GPM6A: variants seen among roughly 807,000 people sequenced by gnomAD.
GPM6A encodes the protein glycoprotein M6A.
A neutral mutation model predicts 32.1 loss-of-function variants in GPM6A; 7 were observed. The ratio of observed to expected loss-of-function variants is 0.22; its 90% CI spans 0.12 to 0.41. The LOEUF is 0.41. GPM6A is among the 10% of genes least tolerant of loss of function. GPM6A has a pLI of 1.00. For missense variants in GPM6A, 235 were observed against 347.2 expected, an observed-to-expected ratio of 0.68 and a Z score of 2.57; for synonymous variants, 130 against 123.4, an observed-to-expected ratio of 1.05 and a Z score of -0.35.
At chr4:175,734,153 TATATATA>T (rs1560903469) in intron 1 of GPM6A, among the ~76,000 whole-genome samples, 1 of 147,322 alleles carries the variant, frequency 6.8e-6, no homozygotes, top group Non-Finnish European at 1.5e-5. Context: ...TATATATATA[TATATATA>T]TTTTTTAATT....
intron 1 of GPM6A, among the ~76,000 whole-genome samples, chr4:175,890,366 A>G (rs1737602346): frequency 6.6e-6 from 1 of 152,286 alleles, no homozygotes; most frequent in South Asian, 2.1e-4. Flanking sequence ...TCTTGACAGC[A>G]CTACCTATAA....
chr4:175,733,057 G>A (rs1236734770), intron 1 of GPM6A, among the ~76,000 whole-genome samples: 1 of 152,066 alleles, frequency 6.6e-6, no homozygotes, highest in African/African-American at 2.4e-5. Flanking sequence ...AAATGGACAT[G>A]TTACTTTCCT....
chr4:175,795,239 T>A (rs1428467455), intron 1 of GPM6A, among the ~76,000 whole-genome samples: 1 of 152,142 alleles, frequency 6.6e-6, no homozygotes, highest in Non-Finnish European at 1.5e-5. Context: ...GATTCAACAG[T>A]CAGTTGATAA....
chr4:175,782,307 C>T (rs1733642067), intron 1 of GPM6A, among the ~76,000 whole-genome samples: 1 of 151,968 alleles, frequency 6.6e-6, no homozygotes, highest in Admixed American at 6.6e-5. Context: ...GGCTATTTTT[C>T]ATTATGGAAT....
chr4:175,817,056 C>T (rs1244444012), upstream of GPM6A, among the ~76,000 whole-genome samples: 1 of 152,018 alleles, frequency 6.6e-6, no homozygotes, highest in East Asian at 1.9e-4. Context: ...GATGGGGTTT[C>T]ACCGTGGTAG....
At position 175,700,982 on chromosome 4, in the gene GPM6A, T is replaced by A. The variant is rs569343595; in HGVS notation, c.230+593A>T. Among the ~76,000 whole-genome samples, 10 of 152,298 alleles carry A rather than the reference T, an allele frequency of 6.6e-5. No homozygotes were observed. In the South Asian group the frequency reaches 8.3e-4, roughly 13 times the overall value. ...TTCTAAAAAAGTTATTTTAACATAA[T>A]CATAGTGATCTTAGGAGTTTTACAT... On this transcript the variant is annotated intron_variant, in intron 2 of 6. Coordinates refer to ENST00000393658, the MANE Select transcript of GPM6A (RefSeq NM_201591.3).
chr4:175,989,068 T>C (rs1455874621), intron 1 of GPM6A, among the ~76,000 whole-genome samples: 1 of 152,124 alleles, frequency 6.6e-6, no homozygotes, highest in Admixed American at 6.6e-5. Context: ...AGTAGAGCAA[T>C]ACTTCTTATA....
At chr4:175,841,827 T>G (rs1735945218) in intron 1 of GPM6A, among the ~76,000 whole-genome samples, 1 of 152,304 alleles carries the variant, frequency 6.6e-6, no homozygotes, top group East Asian at 1.9e-4. Context: ...CTACTGATTC[T>G]GAAAAACGGA....
chr4:175,690,619 A>C (rs1207637473), intron 2 of GPM6A, among the ~76,000 whole-genome samples: 1 of 152,172 alleles, frequency 6.6e-6, no homozygotes, highest in Non-Finnish European at 1.5e-5. Context: ...CCTTCTTCAA[A>C]GCCAGCAGGT....
intron 1 of GPM6A, among the ~76,000 whole-genome samples, chr4:175,858,258 G>A (rs1430221042): frequency 3.9e-5 from 6 of 152,128 alleles, no homozygotes; most frequent in African/African-American, 9.7e-5. Context: ...AGGGTTGGAC[G>A]CTGCGGCTCT....
intron 2 of GPM6A, among the ~76,000 whole-genome samples, chr4:175,689,969 T>C (rs1744206717): frequency 6.6e-6 from 1 of 152,170 alleles, no homozygotes; most frequent in African/African-American, 2.4e-5. Context: ...GTGAGCTAGC[T>C]TGGAAGAGGG....
At chr4:175,661,784 T>C (rs563341614) in intron 3 of GPM6A, among the ~76,000 whole-genome samples, 8 of 152,324 alleles carry the variant, frequency 5.3e-5, no homozygotes, top group Admixed American at 3.9e-4. Flanking sequence ...ATAATTTATA[T>C]GTGAAATTAT....
At chr4:175,791,247 ATATTCT>A (rs1734003271) in intron 1 of GPM6A, among the ~76,000 whole-genome samples, 1 of 152,196 alleles carries the variant, frequency 6.6e-6, no homozygotes, top group Non-Finnish European at 1.5e-5. Flanking sequence ...GATAGAAAAG[ATATTCT>A]TGTTCTAGCA....
intron 1 of GPM6A, among the ~76,000 whole-genome samples, chr4:175,992,060 G>GCACGCACACA (rs71770965): frequency 0.029 from 3,907 of 137,064 alleles, 149 homozygotes; most frequent in African/African-American, 0.086. Context: ...AAACACACAT[G>GCACGCACACA]CACACACACA....
At chr4:175,775,762 C>T (rs1579487098) in intron 1 of GPM6A, among the ~76,000 whole-genome samples, 1 of 152,184 alleles carries the variant, frequency 6.6e-6, no homozygotes, top group East Asian at 1.9e-4. Context: ...TAAATATACT[C>T]CAAAAATAGT....
At chr4:175,904,451 T>C (rs1027346829) in intron 1 of GPM6A, among the ~76,000 whole-genome samples, 10 of 152,212 alleles carry the variant, frequency 6.6e-5, no homozygotes, top group Admixed American at 5.9e-4. Context: ...CACACACATA[T>C]ATATACACAC....
In GPM6A at chr4:175,979,950, A is replaced by G. The variant is rs1740773475; in HGVS notation, c.-23+22359T>C. 2.6e-5 allele frequency among the ~76,000 whole-genome samples: 4 copies of G among 152,330 alleles called. No homozygotes were observed. In the South Asian group the frequency reaches 8.3e-4, roughly 32 times the overall value. ...TCTGGTTTACTATTTTGCCCTGACTATAATTAAGAGTATTATTTCATCCAG... is the reference window on the plus strand; with the variant it reads ...TCTGGTTTACTATTTTGCCCTGACTGTAATTAAGAGTATTATTTCATCCAG... On this transcript the variant is annotated intron_variant, in intron 1 of 7. Transcript: ENST00000280187.
intron 3 of GPM6A, among the ~76,000 whole-genome samples, chr4:175,659,086 C>CTTT (rs563940419): frequency 3.5e-5 from 5 of 143,704 alleles, no homozygotes; most frequent in African/African-American, 5.1e-5. Flanking sequence ...TTTTGTTTTC[C>CTTT]TTTTTTTTTT....
chr4:175,672,251 C>G (rs555804321), intron 3 of GPM6A, among the ~76,000 whole-genome samples: 1 of 152,276 alleles, frequency 6.6e-6, no homozygotes, highest in East Asian at 1.9e-4. Flanking sequence ...CCCCTTATCT[C>G]TTTATTTTTT....
Sources: allele counts gnomAD v4.1 joint callset (sites outside exome capture counted in the v4.1 genomes callset), GRCh38; gene constraint gnomAD v4.1.1; transcripts MANE v1.5; gene names NCBI Gene and HGNC (gene_info 2026-07-23, HGNC 2026-07-21).